CD47: variants seen among roughly 807,000 people sequenced by gnomAD.
CD47 encodes CD47 molecule.
A neutral mutation model predicts 44.6 loss-of-function variants in CD47; 11 were observed. That is an observed-to-expected ratio of 0.25 (90% CI 0.16 to 0.41). CD47 has a LOEUF of 0.41. CD47 is among the 10% of genes least tolerant of loss of function. The pLI, the probability that CD47 is intolerant of heterozygous loss-of-function variation, is 1.00. For missense variants in CD47, 306 were observed against 386.7 expected (o/e 0.79, Z 1.75); for synonymous variants, 140 against 136.3 (o/e 1.03, Z -0.19).
chr3:108,064,534 A>C (rs1389615721), intron 3 of CD47, among the ~76,000 whole-genome samples: 3 of 152,148 alleles, frequency 2.0e-5, no homozygotes, highest in African/African-American at 7.2e-5. Flanking sequence ...AATCTAATGA[A>C]ATTACCAAGT....
At chr3:108,075,111 A>C (rs566328066) in intron 2 of CD47, among the ~76,000 whole-genome samples, 53 of 152,290 alleles carry the variant, frequency 3.5e-4, no homozygotes, top group African/African-American at 1.2e-3. Flanking sequence ...CCATCACAAG[A>C]TTAATAAAGA....
In CD47 at chr3:108,071,102, C is replaced by T; in HGVS notation, c.481G>A (p.Gly161Ser). Residue 161 changes from glycine (G) to serine (S), a missense_variant, in exon 3 of 11, where the codon GGT (glycine) becomes AGT (serine). This residue lies in a region of CD47 where 65 missense variants were observed against 119.9 expected (regional missense o/e 0.54). Transcript: ENST00000361309. ...TAGAAATAATACTTACTTTTAATAC[C>T]AAACTGTCCCCAGAACAGGAGTATA... ...FAILLFWGQFGIKTLKYRSGG... is the reference protein window; with the variant it reads ...FAILLFWGQFSIKTLKYRSGG... 2 of 1,337,094 alleles carry T rather than the reference C, an allele frequency of 1.5e-6. No individual in the cohort carries two copies. Among genetic ancestry groups the T allele is most frequent in the Non-Finnish European group, 1.0e-6 (1 of 958,826 alleles). The allele number at this position is 1,337,094 out of a possible 1,614,324, so 82.8% of individuals were successfully genotyped here.
chr3:108,058,217 C>A (rs1358386337), intron 6 of CD47, 120 bp downstream of exon 6: 11 of 547,800 alleles, frequency 2.0e-5, no homozygotes, highest in Non-Finnish European at 3.1e-5. Flanking sequence ...GAACCAAAAA[C>A]TGCACTAAAA....
At chr3:108,085,439 AGAT>A (rs1028154089) in intron 1 of CD47, among the ~76,000 whole-genome samples, 1 of 152,150 alleles carries the variant, frequency 6.6e-6, no homozygotes, top group Non-Finnish European at 1.5e-5. Context: ...AGATTTAATA[AGAT>A]AACATGTTTT....
chr3:108,068,867 T>G (rs965955386), intron 3 of CD47, among the ~76,000 whole-genome samples: 2 of 152,156 alleles, frequency 1.3e-5, no homozygotes, highest in Non-Finnish European at 2.9e-5. Flanking sequence ...ACCTCTTCCA[T>G]GCACATACAC....
At chr3:108,090,613 G>A (rs1321498906) in intron 1 of CD47, among the ~76,000 whole-genome samples, 2 of 143,706 alleles carry the variant, frequency 1.4e-5, no homozygotes, top group East Asian at 2.6e-4. Flanking sequence ...ATGGAGAACC[G>A]GGTGGAGGAG....
At position 108,073,908 on chromosome 3, in the gene CD47, A is replaced by C. The variant is rs16854178; in HGVS notation, c.401-2726T>G. ...ATCACATTTGAAGATCTAACAGGGA[A>C]TTGCTCCAAAGGAAGATGACTAGAA... On this transcript the variant is annotated intron_variant, in intron 2 of 10. Transcript: ENST00000361309. Among the ~76,000 whole-genome samples the C allele has an allele frequency of 6.8e-3, 1,038 of 152,310 alleles. 13 individuals are homozygous for C. Among genetic ancestry groups the C allele is most frequent in the African/African-American group, 0.024 (991 of 41,560 alleles).
intron 2 of CD47, among the ~76,000 whole-genome samples, chr3:108,079,567 T>TAAAAAAA (rs71629342): frequency 5.8e-4 from 31 of 53,106 alleles, no homozygotes; most frequent in East Asian, 5.0e-3. Flanking sequence ...AGTGTAAGGT[T>TAAAAAAA]AAAAAAAAAA....
chr3:108,062,626 TTTTTCTTTTTC>T (rs1402683391), intron 3 of CD47, among the ~76,000 whole-genome samples: 1 of 151,314 alleles, frequency 6.6e-6, no homozygotes, highest in East Asian at 1.9e-4. Flanking sequence ...TTCTTCTATA[TTTTTCTTTTTC>T]TTTTCTTTTT....
At chr3:108,059,781 C>T (rs930872077) in intron 4 of CD47, among the ~76,000 whole-genome samples, 1 of 152,200 alleles carries the variant, frequency 6.6e-6, no homozygotes, top group Non-Finnish European at 1.5e-5. Context: ...AACTAGTTTA[C>T]AGAATTCCAG....
intron 2 of CD47, among the ~76,000 whole-genome samples, chr3:108,078,325 A>G (rs2079348452): frequency 6.6e-6 from 1 of 152,072 alleles, no homozygotes; most frequent in African/African-American, 2.4e-5. Flanking sequence ...CAGTCTTTCA[A>G]TCACACGCAA....
At position 108,045,897 on chromosome 3, in the gene CD47, A is replaced by C. The variant is rs1302630638; in HGVS notation, c.*1391T>G. The C allele has an allele frequency of 1.3e-5, 2 of 152,216 alleles. No homozygotes were observed. The highest frequency in any genetic ancestry group is 4.8e-5 in the African/African-American group (2 of 41,448). 9.4% of individuals were successfully genotyped at this position (152,216 alleles called of 1,614,324 possible). On this transcript the variant is annotated 3_prime_UTR_variant, in exon 11 of 11. Coordinates refer to ENST00000361309, the MANE Select transcript of CD47 (RefSeq NM_001777.4). Reference sequence around the variant, plus strand: ...GCATCAAATATAATTCCACCCAATAAAGAACTTTGTATTTAAATGTTTTTA... The same window carrying C: ...GCATCAAATATAATTCCACCCAATACAGAACTTTGTATTTAAATGTTTTTA...
intron 1 of CD47, among the ~76,000 whole-genome samples, chr3:108,090,598 T>C (rs558509368): frequency 6.7e-6 from 1 of 148,300 alleles, no homozygotes; most frequent in Admixed American, 6.6e-5. Context: ...TGTGTGCATT[T>C]GGAGATGGAG....
intron 3 of CD47, among the ~76,000 whole-genome samples, chr3:108,064,194 T>C (rs991733587): frequency 6.6e-6 from 1 of 152,202 alleles, no homozygotes; most frequent in African/African-American, 2.4e-5. Flanking sequence ...TTCTAAATGC[T>C]GACAGTGAAC....
chr3:108,078,257 G>A (rs2079346411), intron 2 of CD47, among the ~76,000 whole-genome samples: 1 of 151,912 alleles, frequency 6.6e-6, no homozygotes, highest in African/African-American at 2.4e-5. Context: ...CCTTTTAATG[G>A]CTCCCAAAAT....
At chr3:108,048,365 T>A (rs1423621306) in intron 10 of CD47, among the ~76,000 whole-genome samples, 1 of 140,172 alleles carries the variant, frequency 7.1e-6, no homozygotes, top group Non-Finnish European at 1.5e-5. Flanking sequence ...AATGCATGAC[T>A]GGAGTGTTTT....
chr3:108,055,699 C>T (rs769090735), intron 7 of CD47: 1 of 405,672 alleles, frequency 2.5e-6, no homozygotes, highest in Non-Finnish European at 4.6e-6. Flanking sequence ...TATATGCTAA[C>T]CTATGACAAA....
rs2078665948 is a variant in CD47 at position 108,043,647 on chromosome 3, C to A, written c.*3641G>T. Reference sequence around the variant, plus strand: ...ATACGATGTGGGATCTAATTCTCAACAATGGCTTTTTGTAAATAATGCTCC... The same window carrying A: ...ATACGATGTGGGATCTAATTCTCAAAAATGGCTTTTTGTAAATAATGCTCC... On this transcript the variant is annotated 3_prime_UTR_variant, in exon 11 of 11. Coordinates refer to ENST00000361309, the MANE Select transcript of CD47 (RefSeq NM_001777.4). 6.6e-6 allele frequency: 1 copy of A among 152,612 alleles called. No homozygotes were observed. The highest frequency in any genetic ancestry group is 6.5e-5 in the Admixed American group (1 of 15,276). 9.5% of individuals were successfully genotyped at this position (152,612 alleles called of 1,614,324 possible).
At chr3:108,074,908 A>C (rs540583491) in intron 2 of CD47, among the ~76,000 whole-genome samples, 32 of 152,314 alleles carry the variant, frequency 2.1e-4, no homozygotes, top group Admixed American at 1.8e-3. Flanking sequence ...GGGGAAAAAA[A>C]CCAACATTTT....
Sources: gnomAD v4.1 joint callset for allele counts (sites outside exome capture counted in the v4.1 genomes callset) on GRCh38, gnomAD v4.1.1 for gene constraint, gnomAD v4.1.1 regional missense constraint, MANE v1.5 for transcripts, NCBI Gene and HGNC (gene_info 2026-07-23, HGNC 2026-07-21) for gene names.